The following BLVRB variants were observed in gnomAD, a reference collection of about 807,000 sequenced individuals.
BLVRB encodes biliverdin reductase B.
BLVRB carries 25 observed loss-of-function variants against 21.1 expected under a neutral mutation model. The observed-to-expected ratio is 1.19, with a 90% confidence interval of 0.86 to 1.66. The LOEUF is 1.66. Ranked by LOEUF, BLVRB falls within the 40% of genes most tolerant of loss-of-function variation. The probability of loss-of-function intolerance (pLI) is 0.00; values close to 1 mark genes in which losing one functional copy is unlikely to be tolerated. For missense variants in BLVRB, 274 were observed against 282.7 expected, an observed-to-expected ratio of 0.97 and a Z score of 0.22; for synonymous variants, 128 against 122.2, an observed-to-expected ratio of 1.05 and a Z score of -0.31.
chr19:40,460,245 A>AATATATATATAT (rs1223233988), intron 1 of BLVRB, among the ~76,000 whole-genome samples: 622 of 53,458 alleles, frequency 0.012, 30 homozygotes, highest in South Asian at 0.021. Context: ...CTGTAATAGC[A>AATATATATATAT]ACATATATAT....
At chr19:40,462,285 T>TTC (rs2079791096) in intron 1 of BLVRB, among the ~76,000 whole-genome samples, 1 of 151,168 alleles carries the variant, frequency 6.6e-6, no homozygotes, top group Admixed American at 6.6e-5. Flanking sequence ...CATTCTTTTT[T>TTC]TTTTTTTTTT....
intron 1 of BLVRB, among the ~76,000 whole-genome samples, chr19:40,461,498 ATTT>A (rs35562498): frequency 5.9e-5 from 8 of 135,504 alleles, no homozygotes; most frequent in Admixed American, 1.5e-4. Context: ...CCCACAGCAC[ATTT>A]TTTTTTTTTT....
At chr19:40,458,129 C>T (rs1270543231) in intron 3 of BLVRB, 26 bp downstream of exon 3, 1 of 1,610,064 alleles carries the variant, frequency 6.2e-7, no homozygotes, top group South Asian at 1.1e-5. Flanking sequence ...CCAGTTCAGC[C>T]CCACCTCCAT....
chr19:40,448,608 A>AATATATATATATATATATAT (rs55783717), intron 4 of BLVRB, among the ~76,000 whole-genome samples: 21 of 126,370 alleles, frequency 1.7e-4, no homozygotes, highest in South Asian at 5.5e-4. Context: ...AACAACAACA[A>AATATATATATATATATATAT]ATATATATAT....
chr19:40,449,836 T>C (rs1434300307), intron 4 of BLVRB, among the ~76,000 whole-genome samples: 2 of 152,156 alleles, frequency 1.3e-5, no homozygotes, highest in South Asian at 2.1e-4. Flanking sequence ...ATGCTAAGCA[T>C]TGAACCTAAA....
chr19:40,449,278 C>T (rs928311725), intron 4 of BLVRB, among the ~76,000 whole-genome samples: 1 of 151,662 alleles, frequency 6.6e-6, no homozygotes, highest in African/African-American at 2.4e-5. Context: ...TAGAGTCTTG[C>T]TCTGTCACCC....
intron 3 of BLVRB, among the ~76,000 whole-genome samples, chr19:40,452,840 G>A (rs1223353104): frequency 6.6e-6 from 1 of 151,652 alleles, no homozygotes; most frequent in East Asian, 1.9e-4. Context: ...ACTCCAGCTT[G>A]GGAGACAGAG....
intron 1 of BLVRB, among the ~76,000 whole-genome samples, chr19:40,460,012 C>T (rs921083631): frequency 4.6e-5 from 7 of 152,050 alleles, no homozygotes; most frequent in African/African-American, 1.2e-4. Context: ...TGGGATTGGT[C>T]CCAGCCCCTG....
rs138519239 is a variant in BLVRB, at chr19:40,455,049, G to C, written c.334+3106C>G. Among the ~76,000 whole-genome samples, 425 of 151,574 alleles carry C rather than the reference G, an allele frequency of 2.8e-3. 2 individuals carry two copies. Among genetic ancestry groups the C allele is most frequent in the African/African-American group, 9.6e-3 (398 of 41,256 alleles). ...TTTTGTAGAGATGGAGTTTTGCTGT[G>C]TTGCCCAGACTGGTCCTGCACTCCT... On this transcript the variant is annotated intron_variant, in intron 3 of 4. Transcript: ENST00000263368.
chr19:40,460,245 AACATATATATATAT>A (rs1450260143), intron 1 of BLVRB, among the ~76,000 whole-genome samples: 6 of 53,570 alleles, frequency 1.1e-4, no homozygotes, highest in African/African-American at 3.8e-4. Context: ...CTGTAATAGC[AACATATATATATAT>A]ATATATATAT....
intron 3 of BLVRB, 51 bp from the exon 4 acceptor site, chr19:40,451,543 T>G (rs1481295480): frequency 6.7e-7 from 1 of 1,485,804 alleles, no homozygotes; most frequent in East Asian, 2.4e-5. Flanking sequence ...TCTTTTTTTT[T>G]TTTTTTTTGA....
intron 1 of BLVRB, among the ~76,000 whole-genome samples, chr19:40,459,696 G>A (rs1015318365): frequency 6.6e-6 from 1 of 152,014 alleles, no homozygotes; most frequent in Non-Finnish European, 1.5e-5. Context: ...TCAGCCTCCC[G>A]AGTAGCTGGG....
chr19:40,464,760 C>T (rs1449238081), intron 1 of BLVRB, among the ~76,000 whole-genome samples: 3 of 152,144 alleles, frequency 2.0e-5, no homozygotes, highest in African/African-American at 7.2e-5. Context: ...CCAAGGGAGA[C>T]AGCAGAGTGG....
At chr19:40,454,370 C>A (rs2079753368) in intron 3 of BLVRB, among the ~76,000 whole-genome samples, 1 of 152,020 alleles carries the variant, frequency 6.6e-6, no homozygotes, top group East Asian at 1.9e-4. Flanking sequence ...CTCAAGCGAT[C>A]CACCTGCCTT....
At chr19:40,461,910 C>G (rs182807404) in intron 1 of BLVRB, among the ~76,000 whole-genome samples, 3 of 152,198 alleles carry the variant, frequency 2.0e-5, no homozygotes, top group African/African-American at 7.2e-5. Context: ...TTTACCCGGT[C>G]CCCCCAGTAA....
At chr19:40,455,714 A>T (rs2079759504) in intron 3 of BLVRB, among the ~76,000 whole-genome samples, 1 of 152,084 alleles carries the variant, frequency 6.6e-6, no homozygotes, top group African/African-American at 2.4e-5. Context: ...AAACAAACAA[A>T]CAAAAAACCC....
At position 40,459,687 on chromosome 19, in the gene BLVRB, C is replaced by T. The variant is rs150299578; in HGVS notation, c.80-1142G>A. The stretch of plus-strand genomic sequence containing the variant: ...CCAAGTTCAAGCGATTCTTTTGCCT[C>T]AGCCTCCCGAGTAGCTGGGACTACA... On this transcript the variant is annotated intron_variant, in intron 1 of 4. Transcript: ENST00000263368. Among the ~76,000 whole-genome samples the T allele has an allele frequency of 3.9e-3, 593 of 152,270 alleles. 4 individuals carry two copies. The highest frequency in any genetic ancestry group is 0.013 in the South Asian group (65 of 4,820).
intron 4 of BLVRB, 123 bp downstream of exon 4, chr19:40,451,237 ATATG>A: frequency 7.2e-7 from 1 of 1,379,356 alleles, no homozygotes; most frequent in Non-Finnish European, 9.8e-7. Context: ...GGCCAAATAT[ATATG>A]TCACAATATC....
intron 4 of BLVRB, among the ~76,000 whole-genome samples, chr19:40,449,467 A>T (rs1368371071): frequency 6.6e-6 from 1 of 151,960 alleles, no homozygotes; most frequent in East Asian, 1.9e-4. Context: ...GCTGGTTTTG[A>T]ACTCCTGACC....
Sources: allele counts gnomAD v4.1 joint callset (sites outside exome capture counted in the v4.1 genomes callset), GRCh38; gene constraint gnomAD v4.1.1; transcripts MANE v1.5; gene names NCBI Gene and HGNC (gene_info 2026-07-23, HGNC 2026-07-21).